MACROD2: variants seen among roughly 807,000 people sequenced by gnomAD.
The protein encoded by MACROD2 is mono-ADP ribosylhydrolase 2.
In MACROD2, 36 loss-of-function variants were observed where a neutral mutation model predicts 70.4. The observed-to-expected ratio is 0.51, with a 90% CI of 0.39 to 0.68. The LOEUF is 0.68. MACROD2 is among the 30% of genes least tolerant of loss of function. The pLI is 0.00. For missense variants in MACROD2, 496 were observed against 538.4 expected (o/e 0.92, Z 0.78); for synonymous variants, 172 against 178.8 (o/e 0.96, Z 0.30).
At chr20:14,677,193 T>A (rs1035508948) in intron 4 of MACROD2, among the ~76,000 whole-genome samples, 1 of 152,108 alleles carries the variant, frequency 6.6e-6, no homozygotes, top group Non-Finnish European at 1.5e-5. Context: ...AAAATAATCT[T>A]AAGTTAAAAA....
intron 10 of MACROD2, among the ~76,000 whole-genome samples, chr20:15,909,861 G>A (rs989553758): frequency 6.6e-6 from 1 of 152,072 alleles, no homozygotes; most frequent in African/African-American, 2.4e-5. Context: ...GTCCTTTGGG[G>A]TTCAGAAGAA....
chr20:14,439,914 A>G (rs532935442), intron 3 of MACROD2, among the ~76,000 whole-genome samples: 1 of 152,252 alleles, frequency 6.6e-6, no homozygotes, highest in Admixed American at 6.5e-5. Flanking sequence ...GTTAAGCAGT[A>G]AAAGAAAGCC....
At chr20:15,550,297 TTAAAA>T (rs1266951190) in intron 8 of MACROD2, among the ~76,000 whole-genome samples, 1 of 149,324 alleles carries the variant, frequency 6.7e-6, no homozygotes, top group East Asian at 1.9e-4. Context: ...AAATAAATAT[TTAAAA>T]TAAGAAATAT....
At chr20:15,095,067 T>C (rs1292054196) in intron 5 of MACROD2, among the ~76,000 whole-genome samples, 1 of 6,924 alleles carries the variant, frequency 1.4e-4, no homozygotes, top group African/African-American at 3.4e-4. Flanking sequence ...TCCTCTTCTT[T>C]TTTTTTTTTT....
intron 3 of MACROD2, among the ~76,000 whole-genome samples, chr20:14,346,325 G>A (rs2083064234): frequency 6.6e-6 from 1 of 152,030 alleles, no homozygotes; most frequent in African/African-American, 2.4e-5. Flanking sequence ...TTTGCTGTAT[G>A]TTCTGTAGAC....
At chr20:14,244,830 C>G (rs1284759046) in intron 3 of MACROD2, among the ~76,000 whole-genome samples, 1 of 152,138 alleles carries the variant, frequency 6.6e-6, no homozygotes, top group African/African-American at 2.4e-5. Flanking sequence ...ATGAAATAAC[C>G]CTGACCTTTT....
At chr20:14,164,149 GC>G (rs2055231391) in intron 3 of MACROD2, among the ~76,000 whole-genome samples, 2 of 152,132 alleles carry the variant, frequency 1.3e-5, no homozygotes, top group African/African-American at 4.8e-5. Flanking sequence ...GTTGGATAGG[GC>G]ACTTGGCTTT....
At position 14,217,991 on chromosome 20, in the gene MACROD2, G is replaced by A. The variant is rs117657202; in HGVS notation, c.271+132263G>A. 8.5e-3 allele frequency among the ~76,000 whole-genome samples: 1,286 copies of A among 152,138 alleles called. 7 individuals are homozygous for A. The highest frequency in any genetic ancestry group is 0.014 in the Admixed American group (212 of 15,290). On this transcript the variant is annotated intron_variant, in intron 3 of 17. Coordinates refer to ENST00000684519, the MANE Select transcript of MACROD2 (RefSeq NM_001351661.2). The stretch of plus-strand genomic sequence containing the variant: ...CTGTTGAATAGAATGTGTATTCTGC[G>A]GTTGTTGGATGAAAATGTTCCCTAT...
chr20:15,344,077 A>G (rs752264101), intron 6 of MACROD2, among the ~76,000 whole-genome samples: 8 of 152,198 alleles, frequency 5.3e-5, no homozygotes, highest in Admixed American at 6.5e-5. Context: ...TTCAAAAGAG[A>G]TACTTGTAGA....
intron 8 of MACROD2, among the ~76,000 whole-genome samples, chr20:15,798,512 C>T (rs553487816): frequency 3.3e-5 from 5 of 152,272 alleles, no homozygotes; most frequent in African/African-American, 9.6e-5. Flanking sequence ...TGGAAAGTCA[C>T]GAGCATCACT....
chr20:15,161,221 C>T (rs1428374039), intron 5 of MACROD2, among the ~76,000 whole-genome samples: 1 of 151,844 alleles, frequency 6.6e-6, no homozygotes, highest in Non-Finnish European at 1.5e-5. Context: ...ATTAACACAA[C>T]TGAGGACATA....
At chr20:14,893,269 A>G (rs531946457) in intron 5 of MACROD2, 1 of 152,136 alleles carries the variant, frequency 6.6e-6, no homozygotes. Context: ...GGATGTGCAG[A>G]TATCTCTTGG....
chr20:14,691,147 A>G, intron 5 of MACROD2, among the ~76,000 whole-genome samples: 1 of 152,134 alleles, frequency 6.6e-6, no homozygotes, highest in Non-Finnish European at 1.5e-5. Flanking sequence ...CAAACTCCTG[A>G]CCTCAGGTGA....
At chr20:16,039,836 A>T (rs1416649262) in intron 15 of MACROD2, among the ~76,000 whole-genome samples, 1 of 151,948 alleles carries the variant, frequency 6.6e-6, no homozygotes, top group Non-Finnish European at 1.5e-5. Context: ...AGCACTGTGG[A>T]CACAGTGACT....
intron 3 of MACROD2, among the ~76,000 whole-genome samples, chr20:14,258,761 G>T (rs1475474259): frequency 1.3e-5 from 2 of 151,890 alleles, no homozygotes; most frequent in Non-Finnish European, 2.9e-5. Flanking sequence ...TTTGCTTTTG[G>T]GTTCTTTGTC....
At chr20:14,756,427 G>T (rs1016363165) in intron 5 of MACROD2, among the ~76,000 whole-genome samples, 2 of 151,892 alleles carry the variant, frequency 1.3e-5, no homozygotes, top group African/African-American at 4.8e-5. Flanking sequence ...AAAATGTGTT[G>T]GCTTTTCTCC....
At chr20:15,842,711 T>TA (rs78197259) in intron 8 of MACROD2, among the ~76,000 whole-genome samples, 165 of 89,198 alleles carry the variant, frequency 1.8e-3, no homozygotes, top group African/African-American at 3.5e-3. Context: ...GGTGGGTGGA[T>TA]GGATAGATAG....
intron 5 of MACROD2, among the ~76,000 whole-genome samples, chr20:14,881,809 G>C (rs2073614061): frequency 6.6e-6 from 1 of 152,086 alleles, no homozygotes; most frequent in African/African-American, 2.4e-5. Context: ...TCAATAAAGG[G>C]ACCAGGGGAA....
At chr20:15,435,563 A>T (rs545282239) in intron 7 of MACROD2, among the ~76,000 whole-genome samples, 1 of 152,294 alleles carries the variant, frequency 6.6e-6, no homozygotes, top group East Asian at 1.9e-4. Flanking sequence ...TGGTATTGCC[A>T]GTCTCTAAAA....
Sources: allele counts gnomAD v4.1 joint callset (sites outside exome capture counted in the v4.1 genomes callset), GRCh38; gene constraint gnomAD v4.1.1; transcripts MANE v1.5; gene names NCBI Gene and HGNC (gene_info 2026-07-23, HGNC 2026-07-21).